The following TRPC5 variants were observed in gnomAD, a reference collection of about 807,000 sequenced individuals.
The protein encoded by TRPC5 is transient receptor potential cation channel subfamily C member 5.
A neutral mutation model predicts 56.5 loss-of-function variants in TRPC5; 9 were observed. That is an observed-to-expected ratio of 0.16 (90% confidence interval 0.10 to 0.28). The LOEUF (loss-of-function observed/expected upper bound fraction) is 0.28. Ranked by LOEUF, TRPC5 falls within the 10% of genes least tolerant of loss-of-function variation. The pLI is 1.00. For synonymous variants in TRPC5, 282 were observed against 278.5 expected (o/e 1.01, Z -0.13); for missense variants, 469 against 748.9 (o/e 0.63, Z 4.36).
At chrX:111,874,935 G>A (rs1923876238) in intron 3 of TRPC5, among the ~76,000 whole-genome samples, 1 of 112,386 alleles carries the variant, frequency 8.9e-6, no homozygotes, top group Non-Finnish European at 1.9e-5. Context: ...AAGAGTTCTG[G>A]GCCCTGCTGT....
intron 3 of TRPC5, among the ~76,000 whole-genome samples, chrX:111,905,243 C>T (rs1242038828): frequency 9.1e-6 from 1 of 109,862 alleles, no homozygotes; most frequent in African/African-American, 3.3e-5. Context: ...CTTAGTGATA[C>T]CTCTTGGGAA....
Position 111,834,881 on chromosome X carries a change from G to A in TRPC5, c.1896+40C>T. 2.7e-6 allele frequency: 3 copies of A among 1,119,117 alleles called. No homozygotes were observed. The South Asian group carries it at 6.6e-5, about 25-fold the overall frequency. The allele number at this position is 1,119,117 out of a possible 1,213,427, so 92.2% of individuals were successfully genotyped here. A position where few individuals can be genotyped will look rare whatever the true frequency, so the allele number is the denominator to read the frequency against. ...CTCTATGCCGATGTTGCCCCAACCT[G>A]AAACCAAAGTAAGCACGCTTGTAAA... On this transcript the variant is annotated intron_variant, in intron 7 of 10. Transcript: ENST00000262839.
At chrX:111,932,971 C>G (rs57856726) in intron 2 of TRPC5, among the ~76,000 whole-genome samples, 3,327 of 112,007 alleles carry the variant, frequency 0.03, 65 homozygotes, top group African/African-American at 0.06. Context: ...GCATTCACTT[C>G]CTTCTGACCA....
rs191127461 is a variant in TRPC5 at position 111,811,251 on chromosome X, A to G, written c.1896+23670T>C. ...TCCTTTGCAACTGTTGAAACTTATG[A>G]TGAAATATTTGGACATCAATCCAAA... On this transcript the variant is annotated intron_variant, in intron 7 of 10. Coordinates refer to ENST00000262839, the MANE Select transcript of TRPC5 (RefSeq NM_012471.3). 1.5e-3 allele frequency among the ~76,000 whole-genome samples: 172 copies of G among 112,856 alleles called. 2 individuals are homozygous for G. Among genetic ancestry groups the G allele is most frequent in the African/African-American group, 5.4e-3 (169 of 31,167 alleles).
chrX:112,044,355 A>G (rs1241103584), intron 1 of TRPC5, among the ~76,000 whole-genome samples: 2 of 111,634 alleles, frequency 1.8e-5, no homozygotes, highest in Non-Finnish European at 3.8e-5. Context: ...TACATGAGGG[A>G]CAATAATTAG....
At chrX:112,044,573 T>A (rs1408805742) in intron 1 of TRPC5, among the ~76,000 whole-genome samples, 2 of 112,181 alleles carry the variant, frequency 1.8e-5, no homozygotes, top group Non-Finnish European at 3.8e-5. Flanking sequence ...CCCTACTCAG[T>A]GTTGCCAATG....
chrX:111,782,806 A>AACACAC (rs1186498788), intron 7 of TRPC5, among the ~76,000 whole-genome samples: 9,132 of 91,964 alleles, frequency 0.099, 459 homozygotes, highest in Non-Finnish European at 0.13. Flanking sequence ...CATTATAATC[A>AACACAC]ACACACACAC....
intron 2 of TRPC5, among the ~76,000 whole-genome samples, chrX:111,941,450 G>A (rs1344063249): frequency 1.8e-5 from 2 of 112,202 alleles, no homozygotes; most frequent in Non-Finnish European, 3.8e-5. Context: ...AAGTGCTTCA[G>A]TGCCCTAGGC....
chrX:112,059,697 CTA>C (rs773120589), intron 1 of TRPC5, among the ~76,000 whole-genome samples: 1 of 111,920 alleles, frequency 8.9e-6, no homozygotes, highest in Non-Finnish European at 1.9e-5. Context: ...AAATTTTCAC[CTA>C]TGTGTTTCTC....
intron 1 of TRPC5, among the ~76,000 whole-genome samples, chrX:111,992,636 T>C (rs1227198743): frequency 9.1e-6 from 1 of 109,398 alleles, no homozygotes; most frequent in East Asian, 2.9e-4. Context: ...TGAGTCTGGC[T>C]CTGTTGCCCA....
intron 6 of TRPC5, among the ~76,000 whole-genome samples, chrX:111,838,633 A>C (rs1922637506): frequency 8.9e-6 from 1 of 112,245 alleles, no homozygotes. Flanking sequence ...AAACAAACAT[A>C]TGGAACTTGC....
intron 3 of TRPC5, among the ~76,000 whole-genome samples, chrX:111,868,784 G>T (rs1416025112): frequency 9.0e-6 from 1 of 111,719 alleles, no homozygotes; most frequent in African/African-American, 3.3e-5. Context: ...CTGAGGTAAG[G>T]GCCTTTCTGG....
At chrX:112,057,621 T>C (rs990429315) in intron 1 of TRPC5, among the ~76,000 whole-genome samples, 11 of 111,664 alleles carry the variant, frequency 9.9e-5, no homozygotes, top group Non-Finnish European at 9.4e-5. Context: ...TGCCAGAAAA[T>C]CTTCCCTTTT....
At chrX:112,016,227 C>T (rs1333317811) in intron 1 of TRPC5, among the ~76,000 whole-genome samples, 1 of 111,131 alleles carries the variant, frequency 9.0e-6, no homozygotes, top group Non-Finnish European at 1.9e-5. Flanking sequence ...ACCGGCAAGG[C>T]GGCTCCTGCA....
intron 1 of TRPC5, among the ~76,000 whole-genome samples, chrX:112,006,448 G>T (rs368572025): frequency 1.8e-5 from 2 of 111,499 alleles, no homozygotes; most frequent in East Asian, 5.6e-4. Context: ...TTGACCTTAT[G>T]AGATAGGCAC....
intron 3 of TRPC5, among the ~76,000 whole-genome samples, chrX:111,899,553 G>T (rs1265857092): frequency 9.0e-6 from 1 of 111,134 alleles, no homozygotes; most frequent in Non-Finnish European, 1.9e-5. Context: ...CCCAGAGGAA[G>T]ATAGAGAAGC....
rs1927133962 is a variant in TRPC5 at position 111,952,990 on chromosome X, T to A, written c.-21-549A>T. ...AAAGTTGGAAATCTTCTTTGGCCAA[T>A]TTCCTTCAGGCTCTAGGTCTCTGGT... is the stretch of plus-strand genomic sequence containing the variant. On this transcript the variant is annotated intron_variant, in intron 1 of 10. Coordinates refer to ENST00000262839, the MANE Select transcript of TRPC5 (RefSeq NM_012471.3). 2.7e-5 allele frequency among the ~76,000 whole-genome samples: 3 copies of A among 111,937 alleles called. No homozygotes were observed. The South Asian group carries it at 1.1e-3, about 42-fold the overall frequency.
At chrX:112,081,794 T>TCATTCAACC (rs772464198) in intron 1 of TRPC5, 85 bp downstream of exon 1, 1 of 112,318 alleles carries the variant, frequency 8.9e-6, no homozygotes, top group African/African-American at 3.3e-5. Flanking sequence ...CCCAGCATCT[T>TCATTCAACC]CATTCAACCC....
intron 8 of TRPC5, 54 bp downstream of exon 8, chrX:111,781,881 G>A: frequency 3.8e-6 from 4 of 1,057,314 alleles, no homozygotes; most frequent in Non-Finnish European, 5.1e-6. Context: ...GGGTGACAGA[G>A]TGAGACTCCA....
Sources: gnomAD v4.1 joint callset for allele counts (sites outside exome capture counted in the v4.1 genomes callset) on GRCh38, gnomAD v4.1.1 for gene constraint, MANE v1.5 for transcripts, NCBI Gene and HGNC (gene_info 2026-07-23, HGNC 2026-07-21) for gene names.